KDM4C: variants seen among roughly 807,000 people sequenced by gnomAD.
KDM4C encodes the protein lysine demethylase 4C.
Under a neutral mutation model 129.3 loss-of-function variants are expected in KDM4C, and 81 were observed. The observed-to-expected ratio is 0.63, with a 90% CI of 0.52 to 0.75. KDM4C has a LOEUF of 0.75. Among genes scored for constraint, KDM4C ranks in the 30% least tolerant of loss-of-function variants. The pLI is 0.00. For missense variants in KDM4C, 1,457 were observed against 1,304.0 expected, an observed-to-expected ratio of 1.12 and a Z score of -1.81; for synonymous variants, 573 against 456.1, an observed-to-expected ratio of 1.26 and a Z score of -3.26.
intron 8 of KDM4C, among the ~76,000 whole-genome samples, chr9:6,955,350 G>C (rs933008553): frequency 7.2e-5 from 11 of 152,220 alleles, no homozygotes; most frequent in Non-Finnish European, 4.4e-5. Context: ...TTTTACCTTT[G>C]AATAGAGACA....
At chr9:6,729,123 G>GAAA (rs1554663576) in intron 1 of KDM4C, among the ~76,000 whole-genome samples, 11 of 75,014 alleles carry the variant, frequency 1.5e-4, no homozygotes, top group East Asian at 1.1e-3. Context: ...AGAATTGCTT[G>GAAA]AACCCGGGAA....
intron 5 of KDM4C, among the ~76,000 whole-genome samples, chr9:6,865,254 C>T (rs991751324): frequency 7.9e-5 from 12 of 152,188 alleles, no homozygotes; most frequent in Admixed American, 1.3e-4. Flanking sequence ...GTGATCCGAC[C>T]GCCTTGGCCT....
At chr9:7,044,679 T>C (rs1829132753) in intron 15 of KDM4C, among the ~76,000 whole-genome samples, 1 of 151,856 alleles carries the variant, frequency 6.6e-6, no homozygotes. Context: ...GTTTTGCATG[T>C]GTGTTTGAGA....
At chr9:7,123,734 G>C (rs1326163783) in intron 18 of KDM4C, among the ~76,000 whole-genome samples, 3 of 152,186 alleles carry the variant, frequency 2.0e-5, no homozygotes, top group Non-Finnish European at 4.4e-5. Flanking sequence ...GAGCCCTGGG[G>C]ATGGAGAGGA....
intron 8 of KDM4C, among the ~76,000 whole-genome samples, chr9:6,928,831 C>G (rs1178305419): frequency 6.6e-6 from 1 of 152,172 alleles, no homozygotes; most frequent in African/African-American, 2.4e-5. Flanking sequence ...TCTGCTAATG[C>G]AGAACTCTGA....
intron 6 of KDM4C, among the ~76,000 whole-genome samples, chr9:6,886,714 G>C (rs1347211618): frequency 6.6e-6 from 1 of 151,920 alleles, no homozygotes; most frequent in Non-Finnish European, 1.5e-5. Flanking sequence ...GGCTGGTCTC[G>C]AACTCCTGAC....
chr9:6,748,844 A>G, intron 1 of KDM4C: 1 of 1,117,784 alleles, frequency 8.9e-7, no homozygotes, highest in Non-Finnish European at 1.4e-6. Flanking sequence ...AACCAATGAT[A>G]CAGCCTTCTA....
intron 8 of KDM4C, among the ~76,000 whole-genome samples, chr9:6,899,189 G>A (rs1008194661): frequency 4.0e-5 from 6 of 151,652 alleles, no homozygotes; most frequent in African/African-American, 1.5e-4. Context: ...AGCATCTATA[G>A]GTTCACAGCA....
At chr9:6,882,605 C>G (rs1020050861) in intron 6 of KDM4C, among the ~76,000 whole-genome samples, 4 of 152,134 alleles carry the variant, frequency 2.6e-5, no homozygotes, top group Admixed American at 6.5e-5. Flanking sequence ...TAGGAGGAAA[C>G]TTATTTCAAA....
rs752293694 is a variant in KDM4C, at chr9:6,758,510, C to T, written c.-18+307C>T. ...GGGTCGCCTCCTTGGGGCAGAGGAG[C>T]GCTCGGGCGGTCCTGGGATGCGGAC... On this transcript the variant is annotated intron_variant, in intron 1 of 21. Coordinates refer to ENST00000381309, the MANE Select transcript of KDM4C (RefSeq NM_015061.6). This position sits in a 1 kb window ranked among gnomAD's most constrained non-coding sequence, Gnocchi z 4.6. Among the ~76,000 whole-genome samples the T allele has an allele frequency of 3.1e-4, 47 of 152,142 alleles. No individual in the cohort carries two copies. The highest frequency in any genetic ancestry group is 2.7e-3 in the East Asian group (14 of 5,170).
At chr9:6,954,583 C>T (rs1027328554) in intron 8 of KDM4C, among the ~76,000 whole-genome samples, 4 of 152,126 alleles carry the variant, frequency 2.6e-5, no homozygotes, top group African/African-American at 9.7e-5. Context: ...ATGAAAAATT[C>T]TTATATATGT....
rs140832864 is a variant in KDM4C, at chr9:7,090,745, G to A, written c.2425-12940G>A. 6.5e-3 allele frequency among the ~76,000 whole-genome samples: 997 copies of A among 152,252 alleles called. 14 individuals are homozygous for A. The highest frequency in any genetic ancestry group is 0.023 in the African/African-American group (951 of 41,552). On this transcript the variant is annotated intron_variant, in intron 17 of 21. Transcript: ENST00000381309. ...TGGTGTCTCCTCCTTCCCTCAGCAG[G>A]TATAGTTTTCTAGGCATGTTTATCT...
intron 18 of KDM4C, among the ~76,000 whole-genome samples, chr9:7,108,020 G>A (rs1365378291): frequency 6.6e-6 from 1 of 152,154 alleles, no homozygotes; most frequent in Non-Finnish European, 1.5e-5. Flanking sequence ...TCAAGTGTGT[G>A]TTAGGTATTT....
chr9:6,800,963 T>C (rs777521967), intron 2 of KDM4C, among the ~76,000 whole-genome samples: 1 of 152,166 alleles, frequency 6.6e-6, no homozygotes, highest in South Asian at 2.1e-4. Flanking sequence ...CGTTGGAGGA[T>C]ATAAAATATG....
chr9:6,759,741 T>A (rs1370419781), intron 1 of KDM4C, among the ~76,000 whole-genome samples: 1 of 151,844 alleles, frequency 6.6e-6, no homozygotes, highest in Non-Finnish European at 1.5e-5. Flanking sequence ...TCACCTGAGG[T>A]CAGGAGTTCA....
chr9:7,058,203 G>T lies in KDM4C; in HGVS notation c.2424+9003G>T, dbSNP rs566607306. Among the ~76,000 whole-genome samples the T allele has an allele frequency of 4.6e-5, 7 of 152,298 alleles. No homozygotes were observed. In the South Asian group the frequency reaches 1.5e-3, roughly 32 times the overall value. On this transcript the variant is annotated intron_variant, in intron 17 of 21. Coordinates refer to ENST00000381309, the MANE Select transcript of KDM4C (RefSeq NM_015061.6). ...TGGTGTCTTTTGGCTGAGCCATTTTGCCTTTGGGGGATAAATCACTGTTTG... is the reference window on the plus strand; with the variant it reads ...TGGTGTCTTTTGGCTGAGCCATTTTTCCTTTGGGGGATAAATCACTGTTTG...
intron 4 of KDM4C, among the ~76,000 whole-genome samples, chr9:6,816,244 T>C (rs1237352455): frequency 6.6e-6 from 1 of 152,230 alleles, no homozygotes; most frequent in Non-Finnish European, 1.5e-5. Flanking sequence ...TAAAACCTTT[T>C]TTATTTTGAA....
intron 15 of KDM4C, among the ~76,000 whole-genome samples, chr9:7,028,956 C>T (rs1162857098): frequency 2.0e-5 from 3 of 152,106 alleles, no homozygotes; most frequent in East Asian, 3.9e-4. Flanking sequence ...TTTCTCCTAC[C>T]GTCTTCAGTG....
intron 19 of KDM4C, among the ~76,000 whole-genome samples, chr9:7,151,382 T>C (rs1842711797): frequency 6.7e-6 from 1 of 150,128 alleles, no homozygotes; most frequent in African/African-American, 2.5e-5. Flanking sequence ...TCAGAAAGGG[T>C]GTGTATGTGT....
Sources: allele counts gnomAD v4.1 joint callset (sites outside exome capture counted in the v4.1 genomes callset), GRCh38; gene constraint gnomAD v4.1.1; non-coding constraint Gnocchi (gnomAD v3.1); transcripts MANE v1.5; gene names NCBI Gene and HGNC (gene_info 2026-07-23, HGNC 2026-07-21).